CHCHD6: variants seen among roughly 807,000 people sequenced by gnomAD.
The protein encoded by CHCHD6 is MICOS complex subunit MIC25.
CHCHD6 carries 28 observed loss-of-function variants against 32.3 expected under a neutral mutation model. The observed-to-expected ratio is 0.87, with a 90% CI of 0.64 to 1.19. CHCHD6 has a LOEUF of 1.19. Ranked by LOEUF, CHCHD6 falls within the 50% of genes most tolerant of loss-of-function variation. The pLI is 0.00. For missense variants in CHCHD6, 333 were observed against 307.0 expected (o/e 1.08, Z -0.63); for synonymous variants, 122 against 117.5 (o/e 1.04, Z -0.25).
At chr3:126,704,488 C>G in intron 1 of CHCHD6, 89 bp downstream of exon 1, 1 of 827,136 alleles carries the variant, frequency 1.2e-6, no homozygotes, top group South Asian at 2.5e-5. Flanking sequence ...GGGGCTCTTT[C>G]CACGCGTGAG....
At chr3:126,733,038 G>T in intron 3 of CHCHD6, 40 bp from the exon 4 acceptor site, 1 of 1,607,156 alleles carries the variant, frequency 6.2e-7, no homozygotes, top group Non-Finnish European at 8.5e-7. Flanking sequence ...TGCCCGTCAT[G>T]CCATCCACAT....
At chr3:126,748,609 AAAAG>A (rs1559820960) in intron 4 of CHCHD6, among the ~76,000 whole-genome samples, 2 of 151,688 alleles carry the variant, frequency 1.3e-5, no homozygotes, top group East Asian at 1.9e-4. Context: ...AAAAAAAAAA[AAAAG>A]AAAGAAAAGA....
intron 4 of CHCHD6, among the ~76,000 whole-genome samples, chr3:126,820,792 C>T (rs1037541868): frequency 6.6e-6 from 1 of 152,166 alleles, no homozygotes; most frequent in Non-Finnish European, 1.5e-5. Flanking sequence ...CAGTAATGTA[C>T]TCCACATTCC....
intron 4 of CHCHD6, among the ~76,000 whole-genome samples, chr3:126,764,885 G>A (rs997750732): frequency 2.0e-5 from 3 of 152,130 alleles, no homozygotes; most frequent in African/African-American, 7.2e-5. Context: ...CTGGACTACT[G>A]ATTGAACACA....
At chr3:126,959,207 G>C (rs1475803399) in intron 7 of CHCHD6, among the ~76,000 whole-genome samples, 1 of 152,248 alleles carries the variant, frequency 6.6e-6, no homozygotes, top group Non-Finnish European at 1.5e-5. Flanking sequence ...TTCCCTGAGA[G>C]AGGCTCTGGG....
intron 6 of CHCHD6, among the ~76,000 whole-genome samples, chr3:126,921,553 C>T (rs544410656): frequency 4.7e-4 from 71 of 152,164 alleles, no homozygotes; most frequent in Non-Finnish European, 8.8e-4. Flanking sequence ...CTTGGCTTCT[C>T]CTTGTCAGGA....
chr3:126,862,361 C>A (rs1941945962), intron 5 of CHCHD6, among the ~76,000 whole-genome samples: 2 of 138,934 alleles, frequency 1.4e-5, no homozygotes, highest in Non-Finnish European at 3.1e-5. Context: ...ACTATCACCA[C>A]CTCCTCCACC....
chr3:126,782,138 C>A (rs546214622), intron 4 of CHCHD6, among the ~76,000 whole-genome samples: 1 of 152,336 alleles, frequency 6.6e-6, no homozygotes, highest in Admixed American at 6.5e-5. Context: ...AGGCAGTGAA[C>A]AACAAGCCAA....
intron 1 of CHCHD6, among the ~76,000 whole-genome samples, chr3:126,722,623 T>G (rs749645631): frequency 3.3e-5 from 5 of 152,232 alleles, no homozygotes; most frequent in Non-Finnish European, 7.3e-5. Context: ...TCTATTTAGA[T>G]CCTTTGCCCA....
At chr3:126,928,254 T>C (rs935682569) in intron 6 of CHCHD6, among the ~76,000 whole-genome samples, 13 of 152,210 alleles carry the variant, frequency 8.5e-5, no homozygotes, top group African/African-American at 3.1e-4. Context: ...TCTGCGGCAT[T>C]GTGTAAAAGC....
chr3:126,787,361 A>G (rs1331493874), intron 4 of CHCHD6, among the ~76,000 whole-genome samples: 20 of 152,138 alleles, frequency 1.3e-4, no homozygotes, highest in Middle Eastern at 6.8e-3. Context: ...ATTCTGTGAA[A>G]AAAGTCATTG....
intron 6 of CHCHD6, among the ~76,000 whole-genome samples, chr3:126,922,380 G>T (rs1247306028): frequency 3.3e-5 from 5 of 152,164 alleles, no homozygotes; most frequent in Non-Finnish European, 7.3e-5. Context: ...GCCTACTTCT[G>T]TCAGCTTCTT....
intron 5 of CHCHD6, among the ~76,000 whole-genome samples, chr3:126,869,005 C>T (rs951753892): frequency 6.6e-6 from 1 of 152,204 alleles, no homozygotes; most frequent in Non-Finnish European, 1.5e-5. Context: ...GAGTAGTTTC[C>T]TTTTCACTTT....
intron 5 of CHCHD6, among the ~76,000 whole-genome samples, chr3:126,871,616 C>T (rs533982059): frequency 1.6e-4 from 24 of 151,094 alleles, no homozygotes; most frequent in African/African-American, 4.9e-4. Flanking sequence ...TTTTTAGGCT[C>T]GTTGGAGCTG....
chr3:126,870,685 T>A (rs963484279), intron 5 of CHCHD6, among the ~76,000 whole-genome samples: 4 of 152,204 alleles, frequency 2.6e-5, no homozygotes, highest in Non-Finnish European at 5.9e-5. Flanking sequence ...GACTACTGTT[T>A]TTGGACCTGA....
chr3:126,783,427 A>G (rs1938047564), intron 4 of CHCHD6, among the ~76,000 whole-genome samples: 1 of 152,196 alleles, frequency 6.6e-6, no homozygotes, highest in Non-Finnish European at 1.5e-5. Context: ...TCTATTCAAC[A>G]CAGGGCTCGA....
At chr3:126,933,007 G>A (rs2078428449) in intron 6 of CHCHD6, among the ~76,000 whole-genome samples, 1 of 152,184 alleles carries the variant, frequency 6.6e-6, no homozygotes, top group South Asian at 2.1e-4. Flanking sequence ...GAGGGAGCCT[G>A]GGGTCCGGGA....
chr3:126,794,740 C>T (rs1235165295), intron 4 of CHCHD6, among the ~76,000 whole-genome samples: 2 of 152,052 alleles, frequency 1.3e-5, no homozygotes, highest in Admixed American at 6.6e-5. Flanking sequence ...CCAGCTCTTT[C>T]CCCTTTCTGC....
intron 4 of CHCHD6, among the ~76,000 whole-genome samples, chr3:126,812,638 G>A (rs1478008500): frequency 6.6e-6 from 1 of 151,516 alleles, no homozygotes; most frequent in African/African-American, 2.4e-5. Context: ...TGCCACATTG[G>A]TCAGGCTGGT....
Sources: allele counts gnomAD v4.1 joint callset (sites outside exome capture counted in the v4.1 genomes callset), GRCh38; gene constraint gnomAD v4.1.1; transcripts MANE v1.5; gene names NCBI Gene and HGNC (gene_info 2026-07-23, HGNC 2026-07-21).